ZPBP2: variants seen among roughly 807,000 people sequenced by gnomAD.
The protein encoded by ZPBP2 is zona pellucida binding protein 2.
In ZPBP2, 34 loss-of-function variants were observed where a neutral mutation model predicts 37.5. The observed-to-expected ratio is 0.91, with a 90% CI of 0.69 to 1.21. The LOEUF (loss-of-function observed/expected upper bound fraction) is 1.21. ZPBP2 is among the 50% of genes most tolerant of loss of function. The pLI, the probability that ZPBP2 is intolerant of heterozygous loss-of-function variation, is 0.00. For missense variants in ZPBP2, 397 were observed against 413.5 expected, an observed-to-expected ratio of 0.96 and a Z score of 0.35; for synonymous variants, 143 against 138.4, an observed-to-expected ratio of 1.03 and a Z score of -0.23.
Position 39,871,633 on chromosome 17 carries a change from T to G in ZPBP2, c.406+8T>G. Reference sequence around the variant, plus strand: ...ATGACTTTATGGTCTTTGGTAAGAATTTAGGCACATTTTAACTTATACATT... The same window carrying G: ...ATGACTTTATGGTCTTTGGTAAGAAGTTAGGCACATTTTAACTTATACATT... On this transcript the variant is annotated splice_region_variant and intron_variant, in intron 4 of 7. Transcript: ENST00000348931. 1 of 1,535,812 alleles carries G rather than the reference T, an allele frequency of 6.5e-7. No homozygotes were observed. The highest frequency in any genetic ancestry group is 8.7e-7 in the Non-Finnish European group (1 of 1,145,576).
chr17:39,872,053 T>C (rs2063367202), intron 4 of ZPBP2, among the ~76,000 whole-genome samples: 1 of 152,180 alleles, frequency 6.6e-6, no homozygotes, highest in South Asian at 2.1e-4. Flanking sequence ...TCTCTTGTTG[T>C]ACCAAGTAGA....
chr17:39,868,213 C>A lies in ZPBP2; in HGVS notation c.-142C>A. 1 of 881,030 alleles carries A rather than the reference C, an allele frequency of 1.1e-6. No homozygotes were observed. The highest frequency in any genetic ancestry group is 1.7e-6 in the Non-Finnish European group (1 of 588,392). The allele number at this position is 881,030 out of a possible 1,614,324, so 54.6% of individuals were successfully genotyped here. A position where few individuals can be genotyped will look rare whatever the true frequency, so the allele number is the denominator to read the frequency against. ...GCACGCGTTCTCCTGCGCGTCCGCT[C>A]CCGCCGTTGCGACGGACGGGTAGGG... is the stretch of plus-strand genomic sequence containing the variant. On this transcript the variant is annotated 5_prime_UTR_variant, in exon 1 of 8. Transcript: ENST00000348931.
chr17:39,876,141 A>G lies in ZPBP2; in HGVS notation c.890-541A>G, dbSNP rs373399412. Reference sequence around the variant, plus strand: ...CCCTGTTGCCCAGACTGGTCTTGGAATTCCTGGGCTCAAGCAATCTGCCCG... The same window carrying G: ...CCCTGTTGCCCAGACTGGTCTTGGAGTTCCTGGGCTCAAGCAATCTGCCCG... On this transcript the variant is annotated intron_variant, in intron 7 of 7. Transcript: ENST00000348931. 4.6e-5 allele frequency among the ~76,000 whole-genome samples: 7 copies of G among 151,914 alleles called. No homozygotes were observed. In the East Asian group the frequency reaches 7.7e-4, roughly 17 times the overall value.
At chr17:39,873,854 T>C (rs990472570) in intron 6 of ZPBP2, among the ~76,000 whole-genome samples, 26 of 152,208 alleles carry the variant, frequency 1.7e-4, no homozygotes, top group African/African-American at 6.3e-4. Context: ...GTTCCTGAGC[T>C]CATGTCCTTA....
At position 39,868,347 on chromosome 17, in the gene ZPBP2, C is replaced by T. The variant is rs1266151257; in HGVS notation, c.-8C>T. On this transcript the variant is annotated 5_prime_UTR_variant, in exon 1 of 8. Coordinates refer to ENST00000348931, the MANE Select transcript of ZPBP2 (RefSeq NM_199321.3). ...CTCGACGCCTCCTGCGACGCCAGCC[C>T]CTGAGCGATGATGCGAACGTGCGTC... is the stretch of plus-strand genomic sequence containing the variant. 1 of 1,608,480 alleles carries T rather than the reference C, an allele frequency of 6.2e-7. No homozygotes were observed. Among genetic ancestry groups the T allele is most frequent in the Non-Finnish European group, 8.5e-7 (1 of 1,179,916 alleles).
At chr17:39,871,737 G>A (rs1314312310) in intron 4 of ZPBP2, 112 bp downstream of exon 4, 1 of 839,226 alleles carries the variant, frequency 1.2e-6, no homozygotes, top group Non-Finnish European at 1.7e-6. Context: ...CACCAATTAT[G>A]ACTTACAAAA....
At position 39,869,409 on chromosome 17, in the gene ZPBP2, T is replaced by C. The variant is rs12941505; in HGVS notation, c.118+795T>C. ...TCTTTCTTTCCTTCCTTCCTTCTTT[T>C]TTTTTTTTTTTTTTTTTGACAGTCT... On this transcript the variant is annotated intron_variant, in intron 2 of 7. Transcript: ENST00000348931. 5.4e-3 allele frequency among the ~76,000 whole-genome samples: 456 copies of C among 84,232 alleles called. 1 individual carries two copies. The highest frequency in any genetic ancestry group is 0.016 in the African/African-American group (415 of 25,270). The allele number at this position is 84,232 out of a possible 152,430, so 55.3% of individuals were successfully genotyped here.
chr17:39,875,322 T>C lies in ZPBP2; in HGVS notation c.777T>C (p.Thr259=), dbSNP rs745617655. The C allele has an allele frequency of 1.2e-6, 2 of 1,614,008 alleles. No individual in the cohort carries two copies. The highest frequency in any genetic ancestry group is 3.3e-5 in the Admixed American group (2 of 59,990). ...TTTTCTACCATAACTTTAATAAAAC[T>C]CTACCAGCAATGCATTTTGTGGACC... ...AYIFYHNFNK[T]LPAMHFVDHS... is the part of the protein sequence containing the mutation. Residue 259 remains threonine (T), a synonymous_variant, in exon 7 of 8, where the codon ACT becomes ACC. Coordinates refer to ENST00000348931, the MANE Select transcript of ZPBP2 (RefSeq NM_199321.3).
chr17:39,875,691 A>G (rs2063386554), intron 7 of ZPBP2, among the ~76,000 whole-genome samples: 1 of 150,868 alleles, frequency 6.6e-6, no homozygotes, highest in South Asian at 2.1e-4. Context: ...CTTCGTCTCC[A>G]GGGTTCAAGT....
intron 6 of ZPBP2, among the ~76,000 whole-genome samples, chr17:39,873,529 A>AT (rs779482192): frequency 1.7e-4 from 25 of 151,290 alleles, no homozygotes; most frequent in East Asian, 3.9e-4. Flanking sequence ...TCAAGATGTG[A>AT]TTTTTTTTTC....
intron 6 of ZPBP2, among the ~76,000 whole-genome samples, chr17:39,873,427 C>T (rs967867075): frequency 2.0e-5 from 3 of 151,736 alleles, no homozygotes; most frequent in East Asian, 1.9e-4. Flanking sequence ...TTTTAAAAAA[C>T]GAATATAAAG....
rs1386310399 is a variant in ZPBP2 at position 39,872,270 on chromosome 17, C to T, written c.407C>T (p.Ala136Val). The change falls in exon 5 of 8, where the codon GCC (alanine) becomes GTC (valine). Residue 136 changes from alanine (A) to valine (V), a missense_variant and splice_region_variant. Transcript: ENST00000348931. ...TCTCATCTTTCTTTTTTTTTTAAAG[C>T]CTATCGGGAACCTGATTATTCATAT... ...VKKRYDFMVF[A>V]YREPDYSYQM... The T allele has an allele frequency of 1.9e-6, 3 of 1,573,836 alleles. No individual in the cohort carries two copies. The highest frequency in any genetic ancestry group is 2.0e-5 in the Admixed American group (1 of 50,444).
chr17:39,875,935 T>TGTC (rs2063388708), intron 7 of ZPBP2, among the ~76,000 whole-genome samples: 1 of 132,838 alleles, frequency 7.5e-6, no homozygotes, highest in Non-Finnish European at 1.6e-5. Flanking sequence ...CTGGCTCTGT[T>TGTC]ACCCAGGCTG....
At chr17:39,876,404 C>T (rs1330835170) in intron 7 of ZPBP2, among the ~76,000 whole-genome samples, 1 of 152,058 alleles carries the variant, frequency 6.6e-6, no homozygotes, top group African/African-American at 2.4e-5. Flanking sequence ...AATAGGAACT[C>T]ATAAATGGGG....
At position 39,875,263 on chromosome 17, in the gene ZPBP2, C is replaced by T. The variant is rs373121425; in HGVS notation, c.718C>T (p.Arg240Ter). 1.9e-6 allele frequency: 3 copies of T among 1,608,414 alleles called. No homozygotes were observed. Among genetic ancestry groups the T allele is most frequent in the South Asian group, 1.1e-5 (1 of 89,694 alleles). ...TATTTTTCAACCTTAGGCAAGAGAT[C>T]GAATAGAAGACTTTTTTCGGAGCCA... ...TNHNILQARD[R>*]IEDFFRSQAY... Residue 240 changes from arginine to a stop codon, truncating the protein, a stop_gained, in exon 7 of 8, where the codon CGA becomes TGA. Coordinates refer to ENST00000348931, the MANE Select transcript of ZPBP2 (RefSeq NM_199321.3). LOFTEE classifies it high-confidence loss of function.
intron 4 of ZPBP2, among the ~76,000 whole-genome samples, chr17:39,871,915 G>A (rs995111438): frequency 2.0e-5 from 3 of 152,040 alleles, no homozygotes; most frequent in Non-Finnish European, 2.9e-5. Context: ...TTCTATAAAA[G>A]CAAGTTAATG....
rs1050361261 is a variant in ZPBP2 at position 39,873,176 on chromosome 17, A to G, written c.708+50A>G. The G allele has an allele frequency of 2.6e-6, 4 of 1,566,476 alleles. No homozygotes were observed. In the African/African-American group the frequency reaches 5.5e-5, roughly 22 times the overall value. ...AGTATTTGTCTTTTTCTTTTTTTAG[A>G]GACAGGGTGTCACCCAGGCTGGAGT... On this transcript the variant is annotated intron_variant, in intron 6 of 7. Transcript: ENST00000348931.
rs1312195911 is a variant in ZPBP2 at position 39,876,593 on chromosome 17, G to C, written c.890-89G>C. On this transcript the variant is annotated intron_variant, in intron 7 of 7. Transcript: ENST00000348931. Reference sequence around the variant, plus strand: ...CTGAAATGGTATGATATTAAAGGCAGATTTATATTGTTGGTATAGAATACC... The same window carrying C: ...CTGAAATGGTATGATATTAAAGGCACATTTATATTGTTGGTATAGAATACC... The C allele has an allele frequency of 2.1e-6, 3 of 1,461,490 alleles. No homozygotes were observed. The African/African-American group carries it at 4.2e-5, about 21-fold the overall frequency. 90.5% of individuals were successfully genotyped at this position (1,461,490 alleles called of 1,614,324 possible). A position where few individuals can be genotyped will look rare whatever the true frequency, so the allele number is the denominator to read the frequency against.
chr17:39,873,165 TC>T, intron 6 of ZPBP2, 39 bp downstream of exon 6: 1 of 1,588,202 alleles, frequency 6.3e-7, no homozygotes. Context: ...TTTGTCTTTT[TC>T]TTTTTTTAGA....
Sources: gnomAD v4.1 joint callset for allele counts (sites outside exome capture counted in the v4.1 genomes callset) on GRCh38, gnomAD v4.1.1 for gene constraint, MANE v1.5 for transcripts, NCBI Gene and HGNC (gene_info 2026-07-23, HGNC 2026-07-21) for gene names.